GAREM1: variants seen among roughly 807,000 people sequenced by gnomAD.
GAREM1 encodes GRB2-associated and regulator of MAPK protein 1.
GAREM1 carries 26 observed loss-of-function variants against 71.3 expected under a neutral mutation model. That is an observed-to-expected ratio of 0.36 (90% CI 0.27 to 0.51). The LOEUF (loss-of-function observed/expected upper bound fraction) is 0.51. GAREM1 is among the 20% of genes least tolerant of loss of function. The pLI is 0.95. For synonymous variants in GAREM1, 440 were observed against 433.2 expected (o/e 1.02, Z -0.20); for missense variants, 1,026 against 1,103.1 (o/e 0.93, Z 0.99).
At chr18:32,410,708 A>G (rs1283753782) in intron 1 of GAREM1, among the ~76,000 whole-genome samples, 1 of 152,218 alleles carries the variant, frequency 6.6e-6, no homozygotes, top group Non-Finnish European at 1.5e-5. Context: ...TAATAATTAC[A>G]TAAGGAAGTT....
rs1250801192 is a variant in GAREM1, at chr18:32,412,379, G to A, written c.122-19344C>T. 8 of 1,589,268 alleles carry A rather than the reference G, an allele frequency of 5.0e-6. No homozygotes were observed. The Admixed American group carries it at 1.3e-4, about 27-fold the overall frequency. The stretch of plus-strand genomic sequence containing the variant: ...GTCCAAAATTTGAAGACTGATTGTT[G>A]TAATTGCCAAAATCATTGTAGCTTC... On this transcript the variant is annotated intron_variant, in intron 1 of 5. Transcript: ENST00000269209.
chr18:32,463,811 C>T (rs139490613), intron 1 of GAREM1, among the ~76,000 whole-genome samples: 2,555 of 151,590 alleles, frequency 0.017, 53 homozygotes, highest in Non-Finnish European at 0.017. Context: ...CCTCGTGATC[C>T]GCCCACCTCA....
At chr18:32,268,817 A>C (rs756237759) in intron 5 of GAREM1, 49 bp from the exon 6 acceptor site, 2 of 1,497,668 alleles carry the variant, frequency 1.3e-6, no homozygotes, top group East Asian at 2.3e-5. Context: ...AAAAAGCCAA[A>C]TCCCAAGGCT....
At chr18:32,283,545 C>A (rs1567947599) in intron 4 of GAREM1, among the ~76,000 whole-genome samples, 2 of 145,912 alleles carry the variant, frequency 1.4e-5, no homozygotes, top group African/African-American at 5.4e-5. Flanking sequence ...GACTCTGTCT[C>A]AAAAAAAACA....
In GAREM1 at chr18:32,288,169, ACTT is replaced by A. The variant is rs1282479338; in HGVS notation, c.425_427del (p.Glu142del). ...CCCAGTACACAGGGTGATGTTGTAA[ACTT>A]CAGTGTCTTCATTGCATTCACCTGA... is the stretch of plus-strand genomic sequence containing the variant. On this transcript the variant is annotated inframe_deletion, in exon 4 of 6. Coordinates refer to ENST00000269209, the MANE Select transcript of GAREM1 (RefSeq NM_001242409.2). 6.2e-7 allele frequency: 1 copy of A among 1,611,122 alleles called. No homozygotes were observed. The highest frequency in any genetic ancestry group is 1.3e-5 in the African/African-American group (1 of 74,864).
intron 2 of GAREM1, among the ~76,000 whole-genome samples, chr18:32,377,239 T>A (rs192089097): frequency 2.0e-5 from 3 of 152,312 alleles, no homozygotes; most frequent in Admixed American, 1.3e-4. Context: ...TGAACCCTTA[T>A]CTTATTCCTG....
intron 1 of GAREM1, among the ~76,000 whole-genome samples, chr18:32,408,777 T>C (rs1421345761): frequency 1.3e-5 from 2 of 152,184 alleles, no homozygotes; most frequent in Non-Finnish European, 2.9e-5. Flanking sequence ...GGAAAGCAAC[T>C]TAACTTTTGG....
intron 1 of GAREM1, among the ~76,000 whole-genome samples, chr18:32,440,958 T>C (rs560012031): frequency 1.3e-5 from 2 of 152,240 alleles, no homozygotes; most frequent in African/African-American, 2.4e-5. Context: ...GTTTATCAAG[T>C]ATAAAATTTT....
chr18:32,417,052 G>A (rs963703735), intron 1 of GAREM1, among the ~76,000 whole-genome samples: 4 of 152,126 alleles, frequency 2.6e-5, no homozygotes, highest in African/African-American at 9.7e-5. Context: ...ATTTAAAAAT[G>A]GGCAAAATAT....
intron 2 of GAREM1, among the ~76,000 whole-genome samples, chr18:32,386,249 G>A (rs1475065850): frequency 6.6e-6 from 1 of 152,146 alleles, no homozygotes; most frequent in African/African-American, 2.4e-5. Flanking sequence ...AATAAAATTA[G>A]CTTGTTTCAA....
chr18:32,394,152 T>C (rs1290566993), intron 1 of GAREM1, among the ~76,000 whole-genome samples: 1 of 152,188 alleles, frequency 6.6e-6, no homozygotes, highest in Non-Finnish European at 1.5e-5. Context: ...CTCATGCCTA[T>C]AATCCCAACA....
intron 2 of GAREM1, among the ~76,000 whole-genome samples, chr18:32,342,640 C>G (rs1209437280): frequency 1.3e-5 from 2 of 152,212 alleles, no homozygotes; most frequent in Non-Finnish European, 2.9e-5. Context: ...GCAAAATTGT[C>G]TGATTGTCTC....
At chr18:32,310,125 T>C (rs915556608) in intron 3 of GAREM1, 68 bp downstream of exon 3, 1 of 1,553,588 alleles carries the variant, frequency 6.4e-7, no homozygotes, top group Non-Finnish European at 8.8e-7. Flanking sequence ...ACTTACTGTG[T>C]ACATCCAGAC....
intron 2 of GAREM1, among the ~76,000 whole-genome samples, chr18:32,324,902 A>C (rs1272780801): frequency 6.6e-6 from 1 of 152,228 alleles, no homozygotes; most frequent in African/African-American, 2.4e-5. Context: ...CAGTAAAATG[A>C]TCAGTGGTTA....
chr18:32,272,843 G>A (rs1339186026), intron 4 of GAREM1, among the ~76,000 whole-genome samples: 2 of 152,192 alleles, frequency 1.3e-5, no homozygotes, highest in African/African-American at 2.4e-5. Flanking sequence ...GGCTGGTCTC[G>A]AACTGCTGAC....
intron 2 of GAREM1, among the ~76,000 whole-genome samples, chr18:32,326,143 T>C (rs944278994): frequency 6.6e-6 from 1 of 152,190 alleles, no homozygotes; most frequent in Non-Finnish European, 1.5e-5. Context: ...AGTAGTTTGG[T>C]AGATAGGAAG....
chr18:32,274,324 A>G (rs924460719), intron 4 of GAREM1, among the ~76,000 whole-genome samples: 1 of 152,232 alleles, frequency 6.6e-6, no homozygotes, highest in Admixed American at 6.5e-5. Flanking sequence ...GGATATTTAT[A>G]TCCAGGAGGA....
chr18:32,413,712 A>C (rs2048441497), intron 1 of GAREM1, among the ~76,000 whole-genome samples: 1 of 152,164 alleles, frequency 6.6e-6, no homozygotes. Flanking sequence ...CAACTTCTTA[A>C]AATTGAACTG....
chr18:32,398,912 C>G (rs886640055), intron 1 of GAREM1, among the ~76,000 whole-genome samples: 2 of 152,172 alleles, frequency 1.3e-5, no homozygotes, highest in East Asian at 3.8e-4. Context: ...ATGCAAAAAT[C>G]CTCAGTAAAA....
Sources: gnomAD v4.1 joint callset for allele counts (sites outside exome capture counted in the v4.1 genomes callset) on GRCh38, gnomAD v4.1.1 for gene constraint, MANE v1.5 for transcripts, NCBI Gene and HGNC (gene_info 2026-07-23, HGNC 2026-07-21) for gene names.